Variants in GRIN3A observed in about 807,000 individuals in gnomAD.
GRIN3A encodes glutamate receptor ionotropic, NMDA 3A.
A neutral mutation model predicts 92.4 loss-of-function variants in GRIN3A; 47 were observed. That is an observed-to-expected ratio of 0.51 (90% CI 0.40 to 0.65). The LOEUF is 0.65. GRIN3A is among the 30% of genes least tolerant of loss of function. The pLI, the probability that GRIN3A is intolerant of heterozygous loss-of-function variation, is 0.00. For missense variants in GRIN3A, 1,324 were observed against 1,393.1 expected, an observed-to-expected ratio of 0.95 and a Z score of 0.79; for synonymous variants, 527 against 540.6, an observed-to-expected ratio of 0.97 and a Z score of 0.35.
At chr9:101,643,654 GTCTCTCTCTCTCTCTCTC>G (rs74810886) in intron 3 of GRIN3A, among the ~76,000 whole-genome samples, 5 of 147,066 alleles carry the variant, frequency 3.4e-5, no homozygotes, top group African/African-American at 1.3e-4. Context: ...CAACCTAAAT[GTCTCTCTCTCTCTCTCTC>G]TCTCTCTCTC....
At chr9:101,624,751 G>T (rs1396550031) in intron 4 of GRIN3A, among the ~76,000 whole-genome samples, 1 of 151,990 alleles carries the variant, frequency 6.6e-6, no homozygotes, top group African/African-American at 2.4e-5. Flanking sequence ...GTAATGGGAT[G>T]GCTGGGTCAA....
At chr9:101,676,138 T>TA (rs35109147) in intron 2 of GRIN3A, among the ~76,000 whole-genome samples, 35,095 of 151,840 alleles carry the variant, frequency 0.23, 4,387 homozygotes, top group East Asian at 0.56. Context: ...GTCTACATAT[T>TA]ATCACTTTTG....
intron 2 of GRIN3A, among the ~76,000 whole-genome samples, chr9:101,675,230 T>A (rs542347162): frequency 6.6e-5 from 10 of 152,046 alleles, no homozygotes; most frequent in Non-Finnish European, 1.2e-4. Flanking sequence ...GGCTTACTAA[T>A]GAATTTTTCT....
At chr9:101,728,711 A>G (rs1830105614) in intron 1 of GRIN3A, among the ~76,000 whole-genome samples, 1 of 152,228 alleles carries the variant, frequency 6.6e-6, no homozygotes, top group African/African-American at 2.4e-5. Context: ...AAAAAGCATT[A>G]AATGCGACTC....
intron 1 of GRIN3A, among the ~76,000 whole-genome samples, chr9:101,711,610 T>A (rs1174969093): frequency 1.3e-5 from 2 of 152,202 alleles, no homozygotes; most frequent in African/African-American, 2.4e-5. Context: ...GTCTCTGATT[T>A]GCTTTCTGTG....
intron 3 of GRIN3A, among the ~76,000 whole-genome samples, chr9:101,656,346 G>A (rs1164011713): frequency 6.6e-6 from 1 of 151,966 alleles, no homozygotes; most frequent in African/African-American, 2.4e-5. Flanking sequence ...CTGAGTCAAA[G>A]CATCTCCCAG....
chr9:101,686,905 A>T lies in GRIN3A; in HGVS notation c.995T>A (p.Met332Lys). The T allele has an allele frequency of 6.2e-7, 1 of 1,614,206 alleles. No individual in the cohort carries two copies. Among genetic ancestry groups the T allele is most frequent in the Non-Finnish European group, 8.5e-7 (1 of 1,180,046 alleles). Residue 332 changes from methionine (M) to lysine (K), a missense_variant, in exon 2 of 9, where the codon ATG becomes AAG. Met to Lys is a moderately conservative substitution (Grantham distance 95). Coordinates refer to ENST00000361820, the MANE Select transcript of GRIN3A (RefSeq NM_133445.3). ...TPTVVMFGCD[M>K]ESIRRIFEIT... Reference sequence around the variant, plus strand: ...TTCGAAAATCCGCCGGATACTTTCCATGTCGCAGCCAAACATCACCACTGT... The same window carrying T: ...TTCGAAAATCCGCCGGATACTTTCCTTGTCGCAGCCAAACATCACCACTGT...
intron 3 of GRIN3A, among the ~76,000 whole-genome samples, chr9:101,638,728 A>G (rs1828815462): frequency 6.6e-6 from 1 of 152,272 alleles, no homozygotes; most frequent in African/African-American, 2.4e-5. Context: ...TTATGGAAAC[A>G]GTAAATGACA....
intron 7 of GRIN3A, among the ~76,000 whole-genome samples, chr9:101,578,572 C>A (rs1827854387): frequency 6.6e-6 from 1 of 152,198 alleles, no homozygotes; most frequent in Non-Finnish European, 1.5e-5. Flanking sequence ...GTTCTTCCAT[C>A]ATTATGAAGC....
At position 101,670,345 on chromosome 9, in the gene GRIN3A, G is replaced by A. The variant is rs757749435; in HGVS notation, c.2067C>T (p.Ala689=). ...LGIFVALHIT[A]VFLTLYEWKS... is the part of the protein sequence containing the mutation. ...TCCATTCATACAGAGTGAGGAAGAC[G>A]GCAGTGATGTGCAGAGCCACAAAAA... The change falls in exon 3 of 9, where the codon GCC becomes GCT. Residue 689 remains alanine (A), a synonymous_variant. Coordinates refer to ENST00000361820, the MANE Select transcript of GRIN3A (RefSeq NM_133445.3). 1.2e-5 allele frequency: 20 copies of A among 1,613,876 alleles called. No homozygotes were observed. Among genetic ancestry groups the A allele is most frequent in the Admixed American group, 1.7e-5 (1 of 59,988 alleles).
chr9:101,638,732 A>G (rs1209043318), intron 3 of GRIN3A, among the ~76,000 whole-genome samples: 3 of 152,222 alleles, frequency 2.0e-5, no homozygotes, highest in African/African-American at 7.2e-5. Flanking sequence ...GGAAACAGTA[A>G]ATGACAAAAC....
At chr9:101,700,869 CAAAG>C (rs1025105538) in intron 1 of GRIN3A, among the ~76,000 whole-genome samples, 3 of 151,934 alleles carry the variant, frequency 2.0e-5, no homozygotes, top group Non-Finnish European at 2.9e-5. Flanking sequence ...AAGGAAAAGA[CAAAG>C]AAAGATGTCA....
chr9:101,583,457 C>A (rs1827914739), intron 6 of GRIN3A, among the ~76,000 whole-genome samples: 1 of 152,124 alleles, frequency 6.6e-6, no homozygotes, highest in African/African-American at 2.4e-5. Context: ...ATGTGCTGTG[C>A]ATATGTGCAT....
At chr9:101,656,575 A>G (rs1238859889) in intron 3 of GRIN3A, among the ~76,000 whole-genome samples, 1 of 152,008 alleles carries the variant, frequency 6.6e-6, no homozygotes, top group East Asian at 2.0e-4. Context: ...ATTGTGCAGA[A>G]TACACCTAGG....
intron 8 of GRIN3A, among the ~76,000 whole-genome samples, chr9:101,575,693 T>G (rs1445756958): frequency 6.6e-6 from 1 of 152,230 alleles, no homozygotes; most frequent in Non-Finnish European, 1.5e-5. Context: ...TATTTGCTCT[T>G]TTATTTGTTC....
At chr9:101,699,830 TC>T (rs1312618816) in intron 1 of GRIN3A, among the ~76,000 whole-genome samples, 1 of 152,142 alleles carries the variant, frequency 6.6e-6, no homozygotes, top group Non-Finnish European at 1.5e-5. Flanking sequence ...TCAAAGCCAT[TC>T]CAAAAAAACT....
In GRIN3A at chr9:101,670,613, A is replaced by G; in HGVS notation, c.1799T>C (p.Val600Ala). Residue 600 changes from valine (V) to alanine (A), a missense_variant, in exon 3 of 9, where the codon GTA becomes GCA. Transcript: ENST00000361820. ...DMNFDFDLYI[V>A]GDGKYGAWKN... ...CCATGCTCCATACTTTCCATCCCCT[A>G]CAATATAGAGGTCGAAGTCAAAGTT... is the stretch of plus-strand genomic sequence containing the variant. 1 of 1,614,022 alleles carries G rather than the reference A, an allele frequency of 6.2e-7. No homozygotes were observed.
chr9:101,700,083 CAT>C (rs760468257), intron 1 of GRIN3A, among the ~76,000 whole-genome samples: 12 of 152,270 alleles, frequency 7.9e-5, no homozygotes, highest in Non-Finnish European at 1.8e-4. Flanking sequence ...TAACTTATTA[CAT>C]GTTATAGTCA....
chr9:101,670,860 C>A lies in GRIN3A; in HGVS notation c.1552G>T (p.Val518Phe). ...QHPSKLHLRV[V>F]TLIEHPFVFT... is the part of the protein sequence containing the mutation. ...ACAAAAGGATGCTCAATCAGGGTAA[C>A]CACTCTCAAGTGTAGCTTACTTGGA... Residue 518 changes from valine (V) to phenylalanine (F), a missense_variant, in exon 3 of 9, where the codon GTT becomes TTT. Transcript: ENST00000361820. The A allele has an allele frequency of 3.1e-6, 5 of 1,613,672 alleles. No homozygotes were observed. Among genetic ancestry groups the A allele is most frequent in the Non-Finnish European group, 4.2e-6 (5 of 1,179,742 alleles).
Sources: gnomAD v4.1 joint callset for allele counts (sites outside exome capture counted in the v4.1 genomes callset) on GRCh38, gnomAD v4.1.1 for gene constraint, MANE v1.5 for transcripts, NCBI Gene and HGNC (gene_info 2026-07-23, HGNC 2026-07-21) for gene names.